Variants in DDX24 observed in about 807,000 individuals in gnomAD.
The protein encoded by DDX24 is DEAD-box helicase 24.
A neutral mutation model predicts 68.9 loss-of-function variants in DDX24; 24 were observed. The ratio of observed to expected loss-of-function variants is 0.35; its 90% CI spans 0.25 to 0.49. The LOEUF (loss-of-function observed/expected upper bound fraction) is 0.49, where lower values mean the gene tolerates loss of function less well. DDX24 is among the 20% of genes least tolerant of loss of function. The pLI is 0.99. For missense variants in DDX24, 989 were observed against 1,039.0 expected (o/e 0.95, Z 0.66); for synonymous variants, 395 against 385.2 (o/e 1.03, Z -0.30).
chr14:94,058,227 AT>A (rs796729770), intron 5 of DDX24, among the ~76,000 whole-genome samples: 1 of 152,048 alleles, frequency 6.6e-6, no homozygotes, highest in Non-Finnish European at 1.5e-5. Flanking sequence ...GCACCCTCTC[AT>A]TTACTTCCTC....
rs376441886 is a variant in DDX24 at position 94,065,659 on chromosome 14, G to A, written c.719-3038C>T. 6.2e-4 allele frequency among the ~76,000 whole-genome samples: 94 copies of A among 152,296 alleles called. 1 individual carries two copies. The highest frequency in any genetic ancestry group is 3.4e-3 in the Middle Eastern group (1 of 294). Reference sequence around the variant, plus strand: ...ACTGGACTGCTCCAGCAGGACCCAGGAGACCCCCAAATACCGTGAGTGCCC... The same window carrying A: ...ACTGGACTGCTCCAGCAGGACCCAGAAGACCCCCAAATACCGTGAGTGCCC... On this transcript the variant is annotated intron_variant, in intron 2 of 8. Transcript: ENST00000621632.
intron 2 of DDX24, among the ~76,000 whole-genome samples, chr14:94,077,786 C>T (rs1004265091): frequency 7.2e-5 from 11 of 151,750 alleles, no homozygotes; most frequent in South Asian, 2.1e-4. Context: ...ACCCAAAGCA[C>T]GTGTCTACTG....
In DDX24 at chr14:94,057,813, T is replaced by C. The variant is rs1395386276; in HGVS notation, c.1989+9A>G. 3.7e-6 allele frequency: 6 copies of C among 1,612,726 alleles called. No homozygotes were observed. In the Admixed American group the frequency reaches 8.4e-5, roughly 23 times the overall value. On this transcript the variant is annotated intron_variant, in intron 6 of 8. Transcript: ENST00000621632. The stretch of plus-strand genomic sequence containing the variant: ...AGGCAGATGCCTATAAATTTTCAGA[T>C]GCCCCTACCTGGTAATGGATGACAT...
chr14:94,078,367 C>T (rs1885988799), intron 2 of DDX24, among the ~76,000 whole-genome samples: 1 of 152,186 alleles, frequency 6.6e-6, no homozygotes, highest in Admixed American at 6.5e-5. Flanking sequence ...TAGTTCCTCC[C>T]CCAAGTCAGC....
chr14:94,052,878 G>A (rs1191889893), intron 8 of DDX24, 120 bp downstream of exon 8: 1 of 1,386,160 alleles, frequency 7.2e-7, no homozygotes, highest in African/African-American at 1.5e-5. Context: ...TGTTAGCAAA[G>A]AGGGGGAAGG....
intron 1 of DDX24, among the ~76,000 whole-genome samples, chr14:94,080,349 T>C (rs565567349): frequency 7.4e-4 from 113 of 152,298 alleles, no homozygotes; most frequent in African/African-American, 2.6e-3. Context: ...ATATTTTAAG[T>C]GGCTTAATGG....
intron 6 of DDX24, chr14:94,057,171 T>C (rs1885506165): frequency 6.6e-6 from 1 of 152,158 alleles, no homozygotes; most frequent in African/African-American, 2.4e-5. Context: ...TAACCAACTA[T>C]GAAGCAGCAG....
chr14:94,060,223 A>G lies in DDX24; in HGVS notation c.1788T>C (p.Ser596=), dbSNP rs2141425464. Residue 596 remains serine (S), a synonymous_variant, in exon 5 of 9, where the codon AGT becomes AGC. Transcript: ENST00000621632. ...YPGRSLVFAN[S]ISCIKRLSGL... ...CAGAGAGGCGTTTGATGCAGGAGAT[A>G]CTGTTGGCAAACACTAAGCTGCGGC... 1 of 1,614,224 alleles carries G rather than the reference A, an allele frequency of 6.2e-7. No individual in the cohort carries two copies.
intron 7 of DDX24, 164 bp from the exon 8 acceptor site, chr14:94,053,291 G>C (rs1211562071): frequency 1.4e-6 from 1 of 723,584 alleles, no homozygotes; most frequent in Non-Finnish European, 2.1e-6. Flanking sequence ...CAACCTCCTT[G>C]GATCAAGCAA....
chr14:94,054,664 G>A (rs1885457725), intron 7 of DDX24, among the ~76,000 whole-genome samples: 1 of 152,178 alleles, frequency 6.6e-6, no homozygotes. Context: ...ATCTGCCTCA[G>A]CAGGAAACAC....
At chr14:94,052,547 T>C (rs1292636355) in intron 8 of DDX24, among the ~76,000 whole-genome samples, 1 of 152,248 alleles carries the variant, frequency 6.6e-6, no homozygotes, top group Non-Finnish European at 1.5e-5. Flanking sequence ...ATACTTTCTA[T>C]TTGCCAGGCA....
intron 8 of DDX24, 128 bp downstream of exon 8, chr14:94,052,870 T>C (rs770454418): frequency 7.5e-6 from 10 of 1,340,642 alleles, no homozygotes; most frequent in Non-Finnish European, 9.1e-6. Context: ...CCAGGGCCTG[T>C]TAGCAAAGAG....
intron 2 of DDX24, among the ~76,000 whole-genome samples, chr14:94,076,729 G>A (rs1214751266): frequency 6.9e-6 from 1 of 145,588 alleles, no homozygotes; most frequent in Non-Finnish European, 1.5e-5. Flanking sequence ...AATCTATAGT[G>A]ATAGAAAGCC....
At chr14:94,059,214 CCCATGA>C (rs2141424832) in intron 5 of DDX24, among the ~76,000 whole-genome samples, 1 of 152,306 alleles carries the variant, frequency 6.6e-6, no homozygotes, top group South Asian at 2.1e-4. Context: ...AACTAATTAC[CCCATGA>C]CCTGACAAAA....
chr14:94,057,777 CCA>C, intron 6 of DDX24, 43 bp downstream of exon 6: 1 of 1,581,182 alleles, frequency 6.3e-7, no homozygotes, highest in South Asian at 1.1e-5. Context: ...TAAAAATTCC[CCA>C]TTCAGTGCAG....
intron 2 of DDX24, among the ~76,000 whole-genome samples, chr14:94,067,832 G>C (rs4905152): frequency 0.31 from 47,080 of 151,836 alleles, 7,461 homozygotes; most frequent in Admixed American, 0.38. Context: ...ACTGCTAAAA[G>C]GAGCTCTAAA....
chr14:94,054,898 G>C lies in DDX24; in HGVS notation c.2178+98C>G, dbSNP rs1278776347. On this transcript the variant is annotated intron_variant, in intron 7 of 8. Transcript: ENST00000621632. ...CAGCTGTTGGCAGAACCATTCCTTAGTTTTCAAGGGTTATGCTGCCAGAGT... is the reference window on the plus strand; with the variant it reads ...CAGCTGTTGGCAGAACCATTCCTTACTTTTCAAGGGTTATGCTGCCAGAGT... 28 of 1,367,024 alleles carry C rather than the reference G, an allele frequency of 2.0e-5. No homozygotes were observed. In the South Asian group the frequency reaches 3.2e-4, roughly 16 times the overall value. The allele number at this position is 1,367,024 out of a possible 1,614,324, so 84.7% of individuals were successfully genotyped here.
intron 2 of DDX24, among the ~76,000 whole-genome samples, chr14:94,071,628 C>A (rs981292851): frequency 6.6e-6 from 1 of 151,920 alleles, no homozygotes; most frequent in African/African-American, 2.4e-5. Context: ...CCAGCCTGGG[C>A]AACAGAGTGA....
chr14:94,061,010 G>A lies in DDX24; in HGVS notation c.1300C>T (p.Leu434=), dbSNP rs1885586308. 2 of 1,614,164 alleles carry A rather than the reference G, an allele frequency of 1.2e-6. No individual in the cohort carries two copies. The highest frequency in any genetic ancestry group is 1.1e-5 in the South Asian group (1 of 91,080). ...ACCACAATCTCAGGACGACGGTTCAGCATCCTCTGCTGTTTCTGCGTGGAC... is the reference window on the plus strand; with the variant it reads ...ACCACAATCTCAGGACGACGGTTCAACATCCTCTGCTGTTTCTGCGTGGAC... The part of the protein sequence containing the change: ...GMSTQKQQRM[L]NRRPEIVVAT... Residue 434 remains leucine (L), a synonymous_variant, in exon 4 of 9, where the codon CTG becomes TTG. Transcript: ENST00000621632.
Sources: allele counts gnomAD v4.1 joint callset (sites outside exome capture counted in the v4.1 genomes callset), GRCh38; gene constraint gnomAD v4.1.1; transcripts MANE v1.5; gene names NCBI Gene and HGNC (gene_info 2026-07-23, HGNC 2026-07-21).